The following ACOT12 variants were observed in gnomAD, a reference collection of about 807,000 sequenced individuals.
ACOT12 encodes the protein acetyl-coenzyme A thioesterase.
ACOT12 carries 51 observed loss-of-function variants against 67.7 expected under a neutral mutation model. The observed-to-expected ratio is 0.75, with a 90% CI of 0.60 to 0.95. The LOEUF (loss-of-function observed/expected upper bound fraction) is 0.95. ACOT12 is among the 40% of genes least tolerant of loss of function. The pLI is 0.00. For missense variants in ACOT12, 734 were observed against 708.1 expected, an observed-to-expected ratio of 1.04 and a Z score of -0.41; for synonymous variants, 251 against 244.6, an observed-to-expected ratio of 1.03 and a Z score of -0.24.
chr5:81,340,594 T>C lies in ACOT12; in HGVS notation c.1128+2078A>G, dbSNP rs559800690. Among the ~76,000 whole-genome samples the C allele has an allele frequency of 6.6e-5, 10 of 152,152 alleles. 1 individual carries two copies. The East Asian group carries it at 1.7e-3, about 27-fold the overall frequency. On this transcript the variant is annotated intron_variant, in intron 11 of 14. Coordinates refer to ENST00000307624, the MANE Select transcript of ACOT12 (RefSeq NM_130767.3). ...CCAGGCTGGTCTTGAACCCCTGACCTTGTGATCCACCTGCCTCGGCCTCCC... is the reference window on the plus strand; with the variant it reads ...CCAGGCTGGTCTTGAACCCCTGACCCTGTGATCCACCTGCCTCGGCCTCCC...
chr5:81,379,137 A>G (rs781083886), intron 2 of ACOT12, among the ~76,000 whole-genome samples: 88 of 152,318 alleles, frequency 5.8e-4, no homozygotes, highest in Non-Finnish European at 1.0e-3. Flanking sequence ...ACACCATGTA[A>G]TACTATGCAG....
At chr5:81,310,478 A>G in the ACOT12 span, among the ~76,000 whole-genome samples, 284 of 148,708 alleles carry the variant, frequency 1.9e-3, 2 homozygotes, top group Admixed American at 8.1e-4. Flanking sequence ...GATTTGGGGG[A>G]AAAAAAAAAG....
chr5:81,317,513 A>G, the ACOT12 span, among the ~76,000 whole-genome samples: 1 of 152,096 alleles, frequency 6.6e-6, no homozygotes, highest in African/African-American at 2.4e-5. Context: ...AAAAAAAAAA[A>G]AAAAAGAGGT....
chr5:81,342,651 A>G, intron 11 of ACOT12, 21 bp downstream of exon 11: 1 of 1,613,602 alleles, frequency 6.2e-7, no homozygotes, highest in African/African-American at 1.3e-5. Context: ...TGGATTATGC[A>G]AATACCTGGA....
chr5:81,381,941 G>T (rs529606376), intron 2 of ACOT12, among the ~76,000 whole-genome samples: 19 of 152,270 alleles, frequency 1.2e-4, no homozygotes, highest in Non-Finnish European at 1.9e-4. Context: ...GTTTGAGAAA[G>T]AAACTGCATA....
intron 2 of ACOT12, among the ~76,000 whole-genome samples, chr5:81,372,445 C>T (rs1021890088): frequency 6.6e-6 from 1 of 152,214 alleles, no homozygotes; most frequent in African/African-American, 2.4e-5. Flanking sequence ...CAATGTTAAA[C>T]TGCATTTGCA....
chr5:81,343,940 C>T, intron 9 of ACOT12, 59 bp from the exon 10 acceptor site: 1 of 1,467,734 alleles, frequency 6.8e-7, no homozygotes, highest in Non-Finnish European at 9.5e-7. Flanking sequence ...TAGCACACAA[C>T]AATAACCATA....
the ACOT12 span, among the ~76,000 whole-genome samples, chr5:81,315,900 C>T: frequency 6.6e-6 from 1 of 152,178 alleles, no homozygotes; most frequent in African/African-American, 2.4e-5. Context: ...TCATTTATCA[C>T]CTTCTACCAT....
rs781113972 is a variant in ACOT12 at position 81,363,842 on chromosome 5, C to T, written c.306G>A (p.Lys102=). 1.9e-6 allele frequency: 3 copies of T among 1,612,152 alleles called. No individual in the cohort carries two copies. Among genetic ancestry groups the T allele is most frequent in the East Asian group, 2.2e-5 (1 of 44,722 alleles). Residue 102 remains lysine, a synonymous_variant, in exon 4 of 15, where the codon AAG becomes AAA. Coordinates refer to ENST00000307624, the MANE Select transcript of ACOT12 (RefSeq NM_130767.3). ...MVQDMLTGIE[K]LVSVAFSTFV... is the part of the protein sequence containing the mutation. ...ATGTGGAGAAAGCCACACTAACAAG[C>T]TTCTCAATGCCAGTGAGCATATCCT...
chr5:81,340,372 G>GT (rs1044929552), intron 11 of ACOT12, among the ~76,000 whole-genome samples: 5 of 139,578 alleles, frequency 3.6e-5, no homozygotes, highest in Admixed American at 3.6e-4. Context: ...GTTTTGTTTT[G>GT]TTTTTTTGAG....
chr5:81,371,860 T>C, intron 2 of ACOT12, 50 bp from the exon 3 acceptor site: 1 of 1,524,816 alleles, frequency 6.6e-7, no homozygotes, highest in Non-Finnish European at 9.1e-7. Context: ...ACATTTCATT[T>C]CAGATAAGAC....
rs1284515134 is a variant in ACOT12 at position 81,335,904 on chromosome 5, A to G, written c.1129-3T>C. On this transcript the variant is annotated splice_polypyrimidine_tract_variant and splice_region_variant and intron_variant, in intron 11 of 14. Coordinates refer to ENST00000307624, the MANE Select transcript of ACOT12 (RefSeq NM_130767.3). ...TCTTCCAGAGTATATATTTTTATCT[A>G]AAAGACAACAAAAAAATTAAATTAC... 1.9e-6 allele frequency: 3 copies of G among 1,592,450 alleles called. No homozygotes were observed. The highest frequency in any genetic ancestry group is 3.7e-5 in the Admixed American group (2 of 53,938).
At chr5:81,310,175 A>G in the ACOT12 span, among the ~76,000 whole-genome samples, 1 of 151,574 alleles carries the variant, frequency 6.6e-6, no homozygotes, top group East Asian at 1.9e-4. Flanking sequence ...AAAAAAAAAA[A>G]AAAAATTAAT....
rs147110963 is a variant in ACOT12 at position 81,343,144 on chromosome 5, G to A, written c.1045-389C>T. ...GGAGGTTGCAGTGAGCCAAGATTGC[G>A]CCACTGCACTCCAGCCTGGGCGACA... On this transcript the variant is annotated intron_variant, in intron 10 of 14. Coordinates refer to ENST00000307624, the MANE Select transcript of ACOT12 (RefSeq NM_130767.3). Among the ~76,000 whole-genome samples the A allele has an allele frequency of 1.7e-3, 255 of 151,254 alleles. 10 individuals carry two copies. The East Asian group carries it at 0.043, about 25-fold the overall frequency.
At chr5:81,393,161 G>C (rs1458585725) in intron 1 of ACOT12, among the ~76,000 whole-genome samples, 1 of 152,182 alleles carries the variant, frequency 6.6e-6, no homozygotes, top group Non-Finnish European at 1.5e-5. Context: ...TGTGGTAGCA[G>C]CAGGGTGAAT....
rs77304461 is a variant in ACOT12, at chr5:81,346,917, G to C, written c.653+857C>G. Among the ~76,000 whole-genome samples the C allele has an allele frequency of 1.5e-3, 233 of 152,322 alleles. 4 individuals carry two copies. In the East Asian group the frequency reaches 0.038, roughly 25 times the overall value. ...TATTCAAATGCATTTACAGGGTACA[G>C]AGTGTTCCCTAAAACTGCTCAATTA... On this transcript the variant is annotated intron_variant, in intron 6 of 14. Coordinates refer to ENST00000307624, the MANE Select transcript of ACOT12 (RefSeq NM_130767.3).
At chr5:81,336,264 G>C (rs531352135) in intron 11 of ACOT12, among the ~76,000 whole-genome samples, 4 of 152,044 alleles carry the variant, frequency 2.6e-5, no homozygotes, top group Non-Finnish European at 5.9e-5. Context: ...CAGACTGCTA[G>C]GCAGGTCAGC....
intron 2 of ACOT12, among the ~76,000 whole-genome samples, chr5:81,375,992 A>G (rs1468419469): frequency 6.6e-6 from 1 of 152,216 alleles, no homozygotes; most frequent in African/African-American, 2.4e-5. Flanking sequence ...AACAGACTTA[A>G]TAGACACCTA....
chr5:81,378,987 C>A (rs568319626), intron 2 of ACOT12, among the ~76,000 whole-genome samples: 36 of 152,212 alleles, frequency 2.4e-4, no homozygotes, highest in African/African-American at 7.9e-4. Context: ...TGGTTATATA[C>A]CCAAAGGATT....
Sources: allele counts gnomAD v4.1 joint callset (sites outside exome capture counted in the v4.1 genomes callset), GRCh38; gene constraint gnomAD v4.1.1; transcripts MANE v1.5; gene names NCBI Gene and HGNC (gene_info 2026-07-23, HGNC 2026-07-21).